Variants in SLC4A4 observed in about 807,000 individuals in gnomAD.
SLC4A4 encodes the protein solute carrier family 4 member 4, also known as electrogenic sodium bicarbonate cotransporter 1.
Under a neutral mutation model 111.5 loss-of-function variants are expected in SLC4A4, and 27 were observed. The ratio of observed to expected loss-of-function variants is 0.24; its 90% CI spans 0.18 to 0.33. The LOEUF is 0.33. Ranked by LOEUF, SLC4A4 falls within the 10% of genes least tolerant of loss-of-function variation. SLC4A4 has a pLI of 1.00. For missense variants in SLC4A4, 909 were observed against 1,315.5 expected (o/e 0.69, Z 4.78); for synonymous variants, 443 against 463.4 (o/e 0.96, Z 0.57).
chr4:71,247,356 T>C (rs1410642642), intron 2 of SLC4A4, among the ~76,000 whole-genome samples: 2 of 148,540 alleles, frequency 1.3e-5, no homozygotes, highest in Non-Finnish European at 3.0e-5. Flanking sequence ...TTAAAATATA[T>C]AATATTTATA....
intron 3 of SLC4A4, among the ~76,000 whole-genome samples, chr4:71,335,824 C>CA (rs201681412): frequency 0.067 from 9,027 of 133,792 alleles, 422 homozygotes; most frequent in East Asian, 0.25. Flanking sequence ...GACTCTGTCT[C>CA]AAAAAAAAAA....
intron 2 of SLC4A4, among the ~76,000 whole-genome samples, chr4:71,113,082 T>C (rs1158433977): frequency 6.6e-6 from 1 of 152,206 alleles, no homozygotes; most frequent in East Asian, 1.9e-4. Context: ...CATGAGGGAC[T>C]ATGCAAAGCA....
Position 71,223,496 on chromosome 4 carries a change from T to A in SLC4A4, c.-1-13080T>A, listed in dbSNP as rs114623298. 9.9e-3 allele frequency among the ~76,000 whole-genome samples: 1,514 copies of A among 152,250 alleles called. 26 individuals carry two copies. The highest frequency in any genetic ancestry group is 0.034 in the African/African-American group (1,426 of 41,530). On this transcript the variant is annotated intron_variant, in intron 1 of 25. Coordinates refer to ENST00000264485, the MANE Select transcript of SLC4A4 (RefSeq NM_001098484.3). ...CATTCTTTTATTTGAGATGCAGAGA[T>A]CTGTGCTCAATCAGGGTTGAGTGGA...
At chr4:71,168,830 T>C (rs1041689097) in intron 2 of SLC4A4, among the ~76,000 whole-genome samples, 7 of 152,176 alleles carry the variant, frequency 4.6e-5, no homozygotes, top group African/African-American at 1.7e-4. Context: ...TGTGTATATG[T>C]ACCACACTTT....
chr4:71,431,684 C>T lies in SLC4A4; in HGVS notation c.808-8932C>T, dbSNP rs1398139591. ...ACCACACATTTTTATTTTAGAATAG[C>T]TATTGGTTTCTCTTAGCTATTGCCT... On this transcript the variant is annotated intron_variant, in intron 7 of 25. Transcript: ENST00000264485. Among the ~76,000 whole-genome samples, 3 of 151,232 alleles carry T rather than the reference C, an allele frequency of 2.0e-5. No homozygotes were observed. In the South Asian group the frequency reaches 6.3e-4, roughly 32 times the overall value.
At chr4:71,114,029 C>T (rs1035897501) in intron 2 of SLC4A4, among the ~76,000 whole-genome samples, 15 of 151,998 alleles carry the variant, frequency 9.9e-5, no homozygotes, top group South Asian at 2.1e-4. Context: ...CGGCGGATCA[C>T]GAGGTCAGGA....
intron 24 of SLC4A4, among the ~76,000 whole-genome samples, chr4:71,565,579 CAA>C (rs1737400144): frequency 6.6e-6 from 1 of 151,438 alleles, no homozygotes; most frequent in Non-Finnish European, 1.5e-5. Flanking sequence ...TTTTTTTAAA[CAA>C]AAGTCTGGGA....
At chr4:71,373,945 G>T (rs1732111571) in intron 6 of SLC4A4, among the ~76,000 whole-genome samples, 1 of 152,150 alleles carries the variant, frequency 6.6e-6, no homozygotes, top group Admixed American at 6.5e-5. Flanking sequence ...CATGGGCACA[G>T]GTGCTGGGTT....
At chr4:71,214,095 C>A (rs1467040023) in intron 1 of SLC4A4, among the ~76,000 whole-genome samples, 3 of 152,162 alleles carry the variant, frequency 2.0e-5, no homozygotes, top group Non-Finnish European at 1.5e-5. Context: ...CCCAGGTACC[C>A]AGATGTACTG....
At chr4:71,466,056 A>C (rs1177985549) in intron 12 of SLC4A4, among the ~76,000 whole-genome samples, 1 of 152,124 alleles carries the variant, frequency 6.6e-6, no homozygotes, top group Non-Finnish European at 1.5e-5. Context: ...CAGGCTAAAC[A>C]CTGAAAGGAA....
chr4:71,145,520 C>T (rs896797479), intron 2 of SLC4A4, among the ~76,000 whole-genome samples: 16 of 152,140 alleles, frequency 1.1e-4, no homozygotes, highest in South Asian at 4.1e-4. Context: ...TCAGAAGGAA[C>T]GGTACCAGCT....
chr4:71,356,270 A>G (rs2148911271), intron 5 of SLC4A4, among the ~76,000 whole-genome samples: 1 of 152,350 alleles, frequency 6.6e-6, no homozygotes, highest in South Asian at 2.1e-4. Context: ...TTCTGGTTAA[A>G]ATCATACTAA....
intron 18 of SLC4A4, among the ~76,000 whole-genome samples, chr4:71,540,441 T>A (rs1156975099): frequency 2.0e-5 from 3 of 152,214 alleles, no homozygotes; most frequent in Non-Finnish European, 2.9e-5. Flanking sequence ...TCCTTGTACT[T>A]AAAATAATCT....
intron 2 of SLC4A4, among the ~76,000 whole-genome samples, chr4:71,175,995 C>A (rs1431871485): frequency 3.3e-5 from 5 of 152,174 alleles, no homozygotes; most frequent in Non-Finnish European, 1.5e-5. Context: ...GAGGAACGAT[C>A]AGGCAGCAAC....
rs1220595927 is a variant in SLC4A4, at chr4:71,555,136, C to T, written c.2695-4C>T. 3.1e-6 allele frequency: 5 copies of T among 1,598,200 alleles called. No individual in the cohort carries two copies. In the Admixed American group the frequency reaches 8.4e-5, roughly 27 times the overall value. ...TTAAGTTGTATCCATTTTTTTCCTT[C>T]TAGTTTATACCCATGCCTGTACTCT... On this transcript the variant is annotated splice_polypyrimidine_tract_variant and splice_region_variant and intron_variant, in intron 20 of 25. Coordinates refer to ENST00000264485, the MANE Select transcript of SLC4A4 (RefSeq NM_001098484.3).
intron 2 of SLC4A4, among the ~76,000 whole-genome samples, chr4:71,101,503 A>C (rs1483100595): frequency 6.6e-6 from 1 of 152,154 alleles, no homozygotes; most frequent in Non-Finnish European, 1.5e-5. Context: ...CATCTTGCAA[A>C]ACTGAAATCC....
chr4:71,507,290 A>G (rs1348888842), intron 16 of SLC4A4, among the ~76,000 whole-genome samples: 2 of 152,230 alleles, frequency 1.3e-5, no homozygotes, highest in African/African-American at 4.8e-5. Flanking sequence ...GTTAAAAGAC[A>G]CAGAGTGGAA....
Position 71,571,702 on chromosome 4 carries a change from GTT to G in SLC4A4, c.*3952_*3953del, listed in dbSNP as rs1737942929. On this transcript the variant is annotated 3_prime_UTR_variant, in exon 26 of 26. Coordinates refer to ENST00000264485, the MANE Select transcript of SLC4A4 (RefSeq NM_001098484.3). ...TCCTACAATGTGAAAAGAGTGAATAGTTGCCTCTTTTTAGCCATTTTCATGGC... is the reference window on the plus strand; with the variant it reads ...TCCTACAATGTGAAAAGAGTGAATAGGCCTCTTTTTAGCCATTTTCATGGC... 1 of 152,214 alleles carries G rather than the reference GTT, an allele frequency of 6.6e-6. No homozygotes were observed. Among genetic ancestry groups the G allele is most frequent in the Non-Finnish European group, 1.5e-5 (1 of 67,872 alleles). 9.4% of individuals were successfully genotyped at this position (152,214 alleles called of 1,614,324 possible). A position where few individuals can be genotyped will look rare whatever the true frequency, so the allele number is the denominator to read the frequency against.
chr4:71,199,802 C>A (rs1316109688), intron 1 of SLC4A4, among the ~76,000 whole-genome samples: 1 of 152,088 alleles, frequency 6.6e-6, no homozygotes, highest in East Asian at 1.9e-4. Flanking sequence ...AGGAGCGCAC[C>A]ACCATGCCTG....
Sources: allele counts gnomAD v4.1 joint callset (sites outside exome capture counted in the v4.1 genomes callset), GRCh38; gene constraint gnomAD v4.1.1; transcripts MANE v1.5; gene names NCBI Gene and HGNC (gene_info 2026-07-23, HGNC 2026-07-21).